CEMIP: variants seen among roughly 807,000 people sequenced by gnomAD.
The protein encoded by CEMIP is cell migration-inducing and hyaluronan-binding protein.
CEMIP carries 105 observed loss-of-function variants against 156.9 expected under a neutral mutation model. That is an observed-to-expected ratio of 0.67 (90% CI 0.57 to 0.79). The LOEUF (loss-of-function observed/expected upper bound fraction) is 0.79. Among genes scored for constraint, CEMIP ranks in the 30% least tolerant of loss-of-function variants. The pLI, the probability that CEMIP is intolerant of heterozygous loss-of-function variation, is 0.00. For missense variants in CEMIP, 1,457 were observed against 1,769.4 expected (o/e 0.82, Z 3.17); for synonymous variants, 676 against 668.4 (o/e 1.01, Z -0.17).
intron 4 of CEMIP, 148 bp from the exon 5 acceptor site, chr15:80,879,568 G>A: frequency 1.5e-5 from 14 of 928,142 alleles, no homozygotes; most frequent in Non-Finnish European, 2.4e-5. Context: ...TTACTTGTAA[G>A]TACACCAAGC....
intron 1 of CEMIP, among the ~76,000 whole-genome samples, chr15:80,810,828 CCAT>C (rs1896654492): frequency 6.6e-6 from 1 of 152,024 alleles, no homozygotes; most frequent in Admixed American, 6.6e-5. Context: ...ATCCATCCAT[CCAT>C]CCATCCATCC....
chr15:80,899,028 C>A (rs1197585497), intron 12 of CEMIP, among the ~76,000 whole-genome samples: 2 of 152,096 alleles, frequency 1.3e-5, no homozygotes, highest in Admixed American at 1.3e-4. Flanking sequence ...GCCTGGCCAA[C>A]ATGATGAAAC....
chr15:80,879,386 G>A (rs1416889549), intron 4 of CEMIP, among the ~76,000 whole-genome samples: 1 of 152,112 alleles, frequency 6.6e-6, no homozygotes, highest in Admixed American at 6.5e-5. Context: ...TATTTACATT[G>A]AACTAGGTAT....
At chr15:80,862,482 C>A (rs930097844) in intron 1 of CEMIP, among the ~76,000 whole-genome samples, 1 of 152,210 alleles carries the variant, frequency 6.6e-6, no homozygotes, top group Non-Finnish European at 1.5e-5. Context: ...GCATTCATTA[C>A]CAGGTCCTAT....
intron 10 of CEMIP, among the ~76,000 whole-genome samples, chr15:80,891,811 G>C (rs1488008766): frequency 2.6e-5 from 4 of 152,306 alleles, no homozygotes; most frequent in African/African-American, 9.6e-5. Context: ...GACTTAGCTA[G>C]AGCATCTCTT....
chr15:80,844,615 T>A (rs964565923), intron 1 of CEMIP, among the ~76,000 whole-genome samples: 1 of 152,244 alleles, frequency 6.6e-6, no homozygotes, highest in Non-Finnish European at 1.5e-5. Flanking sequence ...TGTCAGCCAG[T>A]TGGACCTGAC....
chr15:80,908,570 A>C (rs1899905568), intron 13 of CEMIP, among the ~76,000 whole-genome samples: 1 of 151,948 alleles, frequency 6.6e-6, no homozygotes, highest in African/African-American at 2.4e-5. Flanking sequence ...CATTCCCTCC[A>C]CTCACACACA....
intron 3 of CEMIP, among the ~76,000 whole-genome samples, chr15:80,877,761 A>C (rs548127798): frequency 6.6e-6 from 1 of 152,312 alleles, no homozygotes; most frequent in Non-Finnish European, 1.5e-5. Flanking sequence ...GTGCCTCTGC[A>C]ATACCCACCC....
intron 1 of CEMIP, among the ~76,000 whole-genome samples, chr15:80,783,594 A>C (rs8041798): frequency 0.45 from 68,096 of 151,992 alleles, 16,732 homozygotes; most frequent in East Asian, 0.8. Context: ...TTTGCAAGCT[A>C]TTCAGCTGGG....
intron 1 of CEMIP, among the ~76,000 whole-genome samples, chr15:80,850,655 G>C (rs1372501317): frequency 6.6e-6 from 1 of 152,142 alleles, no homozygotes. Context: ...GGACTTGGCT[G>C]CTCCCTAAAG....
At chr15:80,943,302 G>A (rs920344836) in intron 28 of CEMIP, among the ~76,000 whole-genome samples, 200 bp downstream of exon 28, 12 of 152,218 alleles carry the variant, frequency 7.9e-5, no homozygotes, top group South Asian at 2.1e-4. Context: ...GGGCTGCTGT[G>A]AATGTAGGTC....
chr15:80,916,005 C>G (rs1229256311), intron 14 of CEMIP, among the ~76,000 whole-genome samples: 1 of 152,174 alleles, frequency 6.6e-6, no homozygotes, highest in Non-Finnish European at 1.5e-5. Flanking sequence ...TAACATAAAT[C>G]ATATCATACC....
intron 1 of CEMIP, among the ~76,000 whole-genome samples, chr15:80,800,021 A>ATGTGTGTGTGTG (rs56412231): frequency 0.062 from 7,723 of 124,764 alleles, 373 homozygotes; most frequent in African/African-American, 0.091. Context: ...AGCTAATTTT[A>ATGTGTGTGTGTG]TGTGTGTGTG....
At chr15:80,888,602 C>A in intron 8 of CEMIP, 99 bp from the exon 9 acceptor site, 1 of 870,666 alleles carries the variant, frequency 1.1e-6, no homozygotes, top group Non-Finnish European at 2.0e-6. Context: ...AGAAATGAGT[C>A]AATGCCCATG....
chr15:80,878,057 C>G (rs1274497939), intron 3 of CEMIP, among the ~76,000 whole-genome samples: 1 of 152,214 alleles, frequency 6.6e-6, no homozygotes, highest in Admixed American at 6.5e-5. Context: ...GAGCCAGTAG[C>G]AACTCCGTAG....
chr15:80,936,903 C>T lies in CEMIP; in HGVS notation c.3221+18C>T, dbSNP rs183287751. 19 of 1,611,238 alleles carry T rather than the reference C, an allele frequency of 1.2e-5. No homozygotes were observed. The East Asian group carries it at 3.6e-4, about 30-fold the overall frequency. The stretch of plus-strand genomic sequence containing the variant: ...TTCAACAAGTGAGTGGGTGTCCAGC[C>T]AGGAGCAGTGAGCTCAAAGCTGATA... On this transcript the variant is annotated intron_variant, in intron 24 of 29. Transcript: ENST00000394685.
intron 1 of CEMIP, among the ~76,000 whole-genome samples, chr15:80,838,742 A>G (rs917729779): frequency 1.3e-5 from 2 of 152,180 alleles, no homozygotes; most frequent in African/African-American, 4.8e-5. Flanking sequence ...TAAAATTCAT[A>G]GAGTACTTCC....
intron 17 of CEMIP, among the ~76,000 whole-genome samples, chr15:80,923,645 A>T (rs1364053836): frequency 1.3e-5 from 2 of 152,050 alleles, no homozygotes; most frequent in Middle Eastern, 3.2e-3. Context: ...CTCCAGCTGG[A>T]TGGATTCGAT....
In CEMIP at chr15:80,941,864, G is replaced by T; in HGVS notation, c.3423G>T (p.Lys1141Asn). ...WDEDSGLLFL[K>N]LKAQNEREKF... ...TTGTGTGCAGGCTGTTGTTCCTGAA[G>T]CTGAAAGCTCAGAACGAGAGAGAGA... Residue 1141 changes from lysine (K) to asparagine (N), a missense_variant, in exon 26 of 30, where the codon AAG becomes AAT. Around this residue, in one of 5 missense-constraint regions of CEMIP, gnomAD observed 798 missense variants for 980.1 expected, o/e 0.81. Transcript: ENST00000394685. 6.2e-7 allele frequency: 1 copy of T among 1,613,784 alleles called. No individual in the cohort carries two copies. The highest frequency in any genetic ancestry group is 8.5e-7 in the Non-Finnish European group (1 of 1,179,998).
Sources: gnomAD v4.1 joint callset for allele counts (sites outside exome capture counted in the v4.1 genomes callset) on GRCh38, gnomAD v4.1.1 for gene constraint, gnomAD v4.1.1 regional missense constraint, MANE v1.5 for transcripts, NCBI Gene and HGNC (gene_info 2026-07-23, HGNC 2026-07-21) for gene names.